Variants in ADAM22 observed in about 807,000 individuals in gnomAD.
ADAM22 encodes the protein disintegrin and metalloproteinase domain-containing protein 22.
A neutral mutation model predicts 144.6 loss-of-function variants in ADAM22; 65 were observed. The observed-to-expected ratio is 0.45, with a 90% CI of 0.37 to 0.55. The LOEUF is 0.55. Ranked by LOEUF, ADAM22 falls within the 20% of genes least tolerant of loss-of-function variation. ADAM22 has a pLI of 0.00. For missense variants in ADAM22, 974 were observed against 1,184.9 expected, an observed-to-expected ratio of 0.82 and a Z score of 2.61; for synonymous variants, 391 against 412.6, an observed-to-expected ratio of 0.95 and a Z score of 0.63.
At chr7:88,056,875 G>T (rs949450185) in intron 3 of ADAM22, among the ~76,000 whole-genome samples, 11 of 152,204 alleles carry the variant, frequency 7.2e-5, no homozygotes, top group South Asian at 2.1e-4. Context: ...TTAGGTCATC[G>T]TGTCAAGGTC....
At chr7:88,127,323 G>C (rs1431211316) in intron 8 of ADAM22, among the ~76,000 whole-genome samples, 1 of 151,802 alleles carries the variant, frequency 6.6e-6, no homozygotes, top group Non-Finnish European at 1.5e-5. Flanking sequence ...GAAAGCCATG[G>C]ACCCATAGAG....
intron 18 of ADAM22, among the ~76,000 whole-genome samples, chr7:88,150,445 GT>G (rs1838004860): frequency 6.6e-6 from 1 of 152,138 alleles, no homozygotes; most frequent in South Asian, 2.1e-4. Flanking sequence ...GGATTATAAA[GT>G]GTGCCCTTTT....
chr7:88,054,403 G>T (rs1333759313), intron 3 of ADAM22, among the ~76,000 whole-genome samples: 1 of 152,008 alleles, frequency 6.6e-6, no homozygotes, highest in East Asian at 1.9e-4. Flanking sequence ...TTTTTCTGTT[G>T]TTATTATATT....
At chr7:88,033,741 C>T (rs1017131476) in intron 3 of ADAM22, among the ~76,000 whole-genome samples, 3 of 152,188 alleles carry the variant, frequency 2.0e-5, no homozygotes, top group Admixed American at 6.5e-5. Context: ...TCTTCTGTAG[C>T]TGAGCTGGCG....
intron 2 of ADAM22, among the ~76,000 whole-genome samples, chr7:87,940,441 A>G (rs922952880): frequency 2.6e-5 from 4 of 152,272 alleles, no homozygotes; most frequent in Middle Eastern, 3.4e-3. Flanking sequence ...CCTTGTTTCA[A>G]TTTTCATCCC....
At chr7:87,994,385 T>C (rs1173698396) in intron 3 of ADAM22, among the ~76,000 whole-genome samples, 1 of 151,964 alleles carries the variant, frequency 6.6e-6, no homozygotes, top group Admixed American at 6.6e-5. Flanking sequence ...ATGGTCTCGA[T>C]CTCCTGACCT....
intron 3 of ADAM22, 74 bp from the exon 4 acceptor site, chr7:88,075,552 T>C: frequency 7.6e-7 from 1 of 1,322,910 alleles, no homozygotes; most frequent in Non-Finnish European, 1.1e-6. Flanking sequence ...CAGATATGTG[T>C]AAACTAGATC....
Position 88,007,352 on chromosome 7 carries a change from C to G in ADAM22, c.323+28940C>G, listed in dbSNP as rs578046549. ...GGTAATTTATAGATTCAATGCCATC[C>G]CCATCAAGCTACCAATGCCTTTCTT... is the stretch of plus-strand genomic sequence containing the variant. On this transcript the variant is annotated intron_variant, in intron 3 of 31. Coordinates refer to ENST00000413139, the MANE Select transcript of ADAM22 (RefSeq NM_001324418.2). 7.1e-3 allele frequency among the ~76,000 whole-genome samples: 1,077 copies of G among 152,164 alleles called. 13 individuals are homozygous for G. Among genetic ancestry groups the G allele is most frequent in the African/African-American group, 0.025 (1,029 of 41,522 alleles).
At chr7:88,081,321 G>T (rs903755479) in intron 4 of ADAM22, among the ~76,000 whole-genome samples, 1 of 152,004 alleles carries the variant, frequency 6.6e-6, no homozygotes, top group Non-Finnish European at 1.5e-5. Flanking sequence ...CAATAAATTA[G>T]GTATTGATGG....
At chr7:88,125,046 A>G (rs1830090228) in intron 7 of ADAM22, among the ~76,000 whole-genome samples, 1 of 152,038 alleles carries the variant, frequency 6.6e-6, no homozygotes, top group Non-Finnish European at 1.5e-5. Flanking sequence ...ATGAATCTAT[A>G]CGCATAAACA....
intron 3 of ADAM22, among the ~76,000 whole-genome samples, chr7:88,010,283 G>C (rs189576702): frequency 1.3e-5 from 2 of 152,104 alleles, no homozygotes; most frequent in African/African-American, 4.8e-5. Context: ...CATCTGAAAT[G>C]GTTGTTTATG....
chr7:88,142,024 GTTTT>G (rs1330014786), intron 14 of ADAM22, among the ~76,000 whole-genome samples: 1 of 151,686 alleles, frequency 6.6e-6, no homozygotes, highest in Non-Finnish European at 1.5e-5. Context: ...CCTTTTATTA[GTTTT>G]TTTAAGAATA....
intron 3 of ADAM22, among the ~76,000 whole-genome samples, chr7:88,061,837 C>G (rs897187222): frequency 7.2e-6 from 1 of 139,154 alleles, no homozygotes; most frequent in African/African-American, 2.8e-5. Flanking sequence ...CTCTCTCTCT[C>G]TCTTTTTTTT....
intron 30 of ADAM22, among the ~76,000 whole-genome samples, chr7:88,188,960 C>T (rs1395046875): frequency 6.6e-6 from 1 of 152,248 alleles, no homozygotes; most frequent in Non-Finnish European, 1.5e-5. Flanking sequence ...TCCCAGAGTG[C>T]TGGGATTACA....
At chr7:87,954,552 C>T (rs565800341) in intron 2 of ADAM22, among the ~76,000 whole-genome samples, 1 of 152,260 alleles carries the variant, frequency 6.6e-6, no homozygotes, top group Admixed American at 6.5e-5. Context: ...GTAACCCGAC[C>T]TTTCTCTTTT....
chr7:88,165,811 T>C (rs1563371232), intron 23 of ADAM22, 21 bp from the exon 24 acceptor site: 1 of 1,542,198 alleles, frequency 6.5e-7, no homozygotes. Flanking sequence ...ACATTTACTC[T>C]AGCTTGATTT....
At chr7:88,152,004 T>A (rs1838529117) in intron 20 of ADAM22, among the ~76,000 whole-genome samples, 1 of 152,184 alleles carries the variant, frequency 6.6e-6, no homozygotes, top group South Asian at 2.1e-4. Flanking sequence ...TTAAACTGTT[T>A]CAGGAGACAA....
intron 14 of ADAM22, among the ~76,000 whole-genome samples, chr7:88,141,059 T>C (rs1834479561): frequency 6.6e-6 from 1 of 152,176 alleles, no homozygotes; most frequent in African/African-American, 2.4e-5. Context: ...TTTCAAGTTA[T>C]AGTAATGAAG....
chr7:88,144,416 C>A (rs1181639961), intron 15 of ADAM22, among the ~76,000 whole-genome samples: 3 of 152,108 alleles, frequency 2.0e-5, no homozygotes, highest in African/African-American at 7.2e-5. Context: ...TACTCTTGGA[C>A]AGGCCAAAAT....
Sources: allele counts gnomAD v4.1 joint callset (sites outside exome capture counted in the v4.1 genomes callset), GRCh38; gene constraint gnomAD v4.1.1; transcripts MANE v1.5; gene names NCBI Gene and HGNC (gene_info 2026-07-23, HGNC 2026-07-21).